The following MED13L variants were observed in gnomAD, a reference collection of about 807,000 sequenced individuals.
MED13L encodes mediator complex subunit 13L.
In MED13L, 7 loss-of-function variants were observed where a neutral mutation model predicts 220.9. That is an observed-to-expected ratio of 0.03 (90% CI 0.02 to 0.06). The LOEUF is 0.06. Among genes scored for constraint, MED13L ranks in the 10% least tolerant of loss-of-function variants. The probability of loss-of-function intolerance (pLI) is 1.00; values close to 1 mark genes in which losing one functional copy is unlikely to be tolerated. For missense variants in MED13L, 1,965 were observed against 2,760.5 expected, an observed-to-expected ratio of 0.71 and a Z score of 6.46; for synonymous variants, 1,011 against 1,015.2, an observed-to-expected ratio of 1.00 and a Z score of 0.08.
chr12:116,241,504 C>T (rs1870648738), intron 1 of MED13L, among the ~76,000 whole-genome samples: 2 of 152,118 alleles, frequency 1.3e-5, no homozygotes, highest in African/African-American at 4.8e-5. Context: ...AACACTTTCA[C>T]CTGTAATATC....
At chr12:116,055,108 ACT>A (rs1051694052) in intron 4 of MED13L, among the ~76,000 whole-genome samples, 5 of 152,196 alleles carry the variant, frequency 3.3e-5, no homozygotes, top group African/African-American at 9.7e-5. Context: ...AAAGTTTAAA[ACT>A]CTGTAAAATT....
At chr12:115,993,657 T>C (rs1431536139) in intron 16 of MED13L, among the ~76,000 whole-genome samples, 1 of 152,170 alleles carries the variant, frequency 6.6e-6, no homozygotes, top group African/African-American at 2.4e-5. Context: ...CTGGACTCCT[T>C]TCAAATTCTC....
intron 2 of MED13L, among the ~76,000 whole-genome samples, chr12:116,195,478 T>TA (rs1444667831): frequency 2.0e-5 from 3 of 152,142 alleles, no homozygotes; most frequent in East Asian, 1.9e-4. Context: ...TTTTTTGAGA[T>TA]AGAGTCTGGC....
intron 1 of MED13L, among the ~76,000 whole-genome samples, chr12:116,239,805 A>G (rs1268869650): frequency 1.3e-5 from 2 of 152,226 alleles, no homozygotes; most frequent in African/African-American, 4.8e-5. Flanking sequence ...ATCTTTTAAA[A>G]TATCGGCCAA....
intron 2 of MED13L, among the ~76,000 whole-genome samples, chr12:116,217,720 G>A (rs1395133829): frequency 6.6e-6 from 1 of 152,106 alleles, no homozygotes; most frequent in African/African-American, 2.4e-5. Context: ...GTGAGATGAA[G>A]AACTGAGTGA....
At chr12:116,099,728 G>A (rs958408821) in intron 3 of MED13L, among the ~76,000 whole-genome samples, 1 of 152,146 alleles carries the variant, frequency 6.6e-6, no homozygotes, top group African/African-American at 2.4e-5. Context: ...AACAAACAAG[G>A]TCTGGAGGGT....
At chr12:116,023,583 T>A (rs1880191083) in intron 4 of MED13L, among the ~76,000 whole-genome samples, 1 of 152,174 alleles carries the variant, frequency 6.6e-6, no homozygotes. Flanking sequence ...TGCAAAATCA[T>A]AATGCTTGAA....
intron 1 of MED13L, among the ~76,000 whole-genome samples, chr12:116,270,408 G>A (rs1038744711): frequency 6.6e-6 from 1 of 152,086 alleles, no homozygotes. Flanking sequence ...TCCCCGCAAA[G>A]TGATGGGATT....
intron 2 of MED13L, among the ~76,000 whole-genome samples, chr12:116,148,074 A>AAAAAAAAGG (rs1377801971): frequency 6.1e-5 from 6 of 98,294 alleles, no homozygotes; most frequent in South Asian, 4.1e-4. Context: ...AAAAAAAAAA[A>AAAAAAAAGG]GAGGGGGGCG....
At chr12:116,194,393 G>A (rs1055938752) in intron 2 of MED13L, among the ~76,000 whole-genome samples, 4 of 151,998 alleles carry the variant, frequency 2.6e-5, no homozygotes, top group Admixed American at 2.0e-4. Flanking sequence ...TCAAACTCCC[G>A]ACCTCAGGTG....
intron 3 of MED13L, among the ~76,000 whole-genome samples, chr12:116,108,128 C>T (rs1430017983): frequency 6.6e-6 from 1 of 151,672 alleles, no homozygotes; most frequent in African/African-American, 2.4e-5. Flanking sequence ...AAAAACCCCT[C>T]AGTTCTAGCT....
At position 115,984,388 on chromosome 12, in the gene MED13L, A is replaced by ATCT; in HGVS notation, c.4339-17_4339-16insAGA. The ATCT allele has an allele frequency of 6.2e-7, 1 of 1,613,748 alleles. No individual in the cohort carries two copies. ...GCCTACACATCTGATATCATAGACA[A>ATCT]GATCATTAGTTATAACAGGAGCCAT... On this transcript the variant is annotated splice_polypyrimidine_tract_variant and intron_variant, in intron 19 of 30. Coordinates refer to ENST00000281928, the MANE Select transcript of MED13L (RefSeq NM_015335.5).
At chr12:116,122,307 T>C (rs1405073744) in intron 2 of MED13L, among the ~76,000 whole-genome samples, 1 of 152,220 alleles carries the variant, frequency 6.6e-6, no homozygotes, top group South Asian at 2.1e-4. Flanking sequence ...ACATTAATTA[T>C]GAAATATAGC....
chr12:116,108,090 A>AAAACAAAC (rs1334930524), intron 3 of MED13L, among the ~76,000 whole-genome samples: 1 of 151,872 alleles, frequency 6.6e-6, no homozygotes, highest in African/African-American at 2.4e-5. Context: ...ACTCCATCTC[A>AAAACAAAC]AAACAAACAA....
intron 4 of MED13L, among the ~76,000 whole-genome samples, chr12:116,079,253 C>T (rs918347350): frequency 1.1e-4 from 16 of 151,946 alleles, no homozygotes; most frequent in Middle Eastern, 6.4e-3. Flanking sequence ...GAGATGGTCT[C>T]GCTCTGTCAC....
At chr12:116,162,305 T>C (rs776377420) in intron 2 of MED13L, among the ~76,000 whole-genome samples, 4 of 152,356 alleles carry the variant, frequency 2.6e-5, no homozygotes, top group Non-Finnish European at 2.9e-5. Context: ...TAGTCTGCCA[T>C]TGCCCAGTAG....
chr12:115,980,449 A>G (rs1877245695), intron 23 of MED13L: 1 of 377,412 alleles, frequency 2.6e-6, no homozygotes, highest in East Asian at 5.8e-5. Context: ...TCAGCCTCCC[A>G]AACAGCCAGG....
chr12:116,105,556 A>G (rs1593049783), intron 3 of MED13L, among the ~76,000 whole-genome samples: 1 of 152,222 alleles, frequency 6.6e-6, no homozygotes, highest in African/African-American at 2.4e-5. Flanking sequence ...CTGACAAATT[A>G]CAAATAAAAA....
At chr12:116,107,996 A>C (rs1238405722) in intron 3 of MED13L, among the ~76,000 whole-genome samples, 1 of 152,036 alleles carries the variant, frequency 6.6e-6, no homozygotes, top group East Asian at 1.9e-4. Context: ...AGGCTGAGGC[A>C]GGAGAATTGC....
Sources: allele counts gnomAD v4.1 joint callset (sites outside exome capture counted in the v4.1 genomes callset), GRCh38; gene constraint gnomAD v4.1.1; transcripts MANE v1.5; gene names NCBI Gene and HGNC (gene_info 2026-07-23, HGNC 2026-07-21).